Variants in NEK8 observed in about 807,000 individuals in gnomAD.
The protein encoded by NEK8 is serine/threonine-protein kinase Nek8.
In NEK8, 51 loss-of-function variants were observed where a neutral mutation model predicts 77.2. That is an observed-to-expected ratio of 0.66 (90% CI 0.53 to 0.83). NEK8 has a LOEUF of 0.83. Ranked by LOEUF, NEK8 falls within the 40% of genes least tolerant of loss-of-function variation. The probability of loss-of-function intolerance (pLI) is 0.00; values close to 1 mark genes in which losing one functional copy is unlikely to be tolerated. For synonymous variants in NEK8, 365 were observed against 363.2 expected (o/e 1.00, Z -0.06); for missense variants, 787 against 909.2 (o/e 0.87, Z 1.73).
chr17:28,735,405 A>C (rs1185243541), intron 4 of NEK8, 34 bp downstream of exon 4: 69 of 1,607,290 alleles, frequency 4.3e-5, no homozygotes, highest in Non-Finnish European at 5.8e-5. Flanking sequence ...GACAACTGAG[A>C]AATCTACTGC....
chr17:28,731,908 A>ATTTTTTTTTTTTTTTTTTTT (rs71135844), intron 1 of NEK8, among the ~76,000 whole-genome samples: 1 of 52,512 alleles, frequency 1.9e-5, no homozygotes, highest in African/African-American at 7.9e-5. Context: ...CCTGGCCCCA[A>ATTTTTTTTTTTTTTTTTTTT]TTTTTTTTTT....
At chr17:28,734,224 G>A (rs1275684926) in intron 2 of NEK8, 36 bp downstream of exon 2, 1 of 1,569,760 alleles carries the variant, frequency 6.4e-7, no homozygotes, top group Non-Finnish European at 8.8e-7. Context: ...TGGCTGGAGG[G>A]CCTCTTACCT....
At chr17:28,728,945 A>T in intron 1 of NEK8, 85 bp downstream of exon 1, 1 of 1,257,982 alleles carries the variant, frequency 7.9e-7, no homozygotes, top group Non-Finnish European at 1.1e-6. Context: ...CGCCCGCCTA[A>T]TCCCGCCCCA....
Position 28,737,540 on chromosome 17 carries a change from C to T in NEK8, c.827+26C>T, listed in dbSNP as rs1371390123. ...GCCTGTGCAGGGACAGCGAGCGGTCCTGGGCGGCAGGGTGTGGGCACCCAG... is the reference window on the plus strand; with the variant it reads ...GCCTGTGCAGGGACAGCGAGCGGTCTTGGGCGGCAGGGTGTGGGCACCCAG... On this transcript the variant is annotated intron_variant, in intron 5 of 14. Coordinates refer to ENST00000268766, the MANE Select transcript of NEK8 (RefSeq NM_178170.3). The surrounding 1 kb of genome is among the most constrained non-coding windows in gnomAD (Gnocchi z 4.8). The T allele has an allele frequency of 1.2e-6, 2 of 1,612,688 alleles. No homozygotes were observed. Among genetic ancestry groups the T allele is most frequent in the African/African-American group, 1.3e-5 (1 of 74,894 alleles).
intron 2 of NEK8, 111 bp from the exon 3 acceptor site, chr17:28,734,661 T>C (rs1016078009): frequency 2.6e-6 from 2 of 760,504 alleles, no homozygotes; most frequent in Non-Finnish European, 4.5e-6. Context: ...CACTCCAGCC[T>C]GGGCAACAGA....
chr17:28,738,783 G>A (rs757459653), intron 9 of NEK8, 36 bp downstream of exon 9: 1 of 1,521,278 alleles, frequency 6.6e-7, no homozygotes, highest in South Asian at 1.1e-5. Flanking sequence ...GGGGAAGTCG[G>A]GGGATGGCGG....
At position 28,728,808 on chromosome 17, in the gene NEK8, A is replaced by T; in HGVS notation, c.-6A>T. The T allele has an allele frequency of 6.4e-7, 1 of 1,551,188 alleles. No individual in the cohort carries two copies. The highest frequency in any genetic ancestry group is 8.7e-7 in the Non-Finnish European group (1 of 1,146,606). On this transcript the variant is annotated 5_prime_UTR_variant, in exon 1 of 15. Transcript: ENST00000268766. ...GGGGGACGGAAGTGAAACTCTAAGA[A>T]ATGAGATGGAGAAGTACGAGCGGAT...
At chr17:28,739,275 A>G in intron 10 of NEK8, 74 bp downstream of exon 10, 1 of 910,826 alleles carries the variant, frequency 1.1e-6, no homozygotes, top group East Asian at 2.4e-5. Context: ...CCCACCTTCC[A>G]CCTCACAGCA....
chr17:28,733,958 C>T (rs1483291275), intron 1 of NEK8, 25 bp from the exon 2 acceptor site: 1 of 1,608,024 alleles, frequency 6.2e-7, no homozygotes, highest in East Asian at 2.2e-5. Flanking sequence ...AGCTGGTAAC[C>T]TGTCCCTGTC....
intron 1 of NEK8, 55 bp downstream of exon 1, chr17:28,728,915 A>C: frequency 6.8e-7 from 1 of 1,473,974 alleles, no homozygotes. Context: ...AATAAGCCCC[A>C]ATTCCGCCCG....
At position 28,738,014 on chromosome 17, in the gene NEK8, G is replaced by A; in HGVS notation, c.1071+14G>A. ...ATCCTGTGGGAGGTGAGCAGGCCAG[G>A]GGGTGGCCTGGATGGGTGGAGGTGG... On this transcript the variant is annotated intron_variant, in intron 7 of 14. Transcript: ENST00000268766. 1.9e-6 allele frequency: 3 copies of A among 1,612,696 alleles called. No individual in the cohort carries two copies. Among genetic ancestry groups the A allele is most frequent in the South Asian group, 2.2e-5 (2 of 91,046 alleles).
At chr17:28,736,254 T>A (rs1298660878) in intron 4 of NEK8, among the ~76,000 whole-genome samples, 7 of 152,200 alleles carry the variant, frequency 4.6e-5, no homozygotes, top group African/African-American at 1.7e-4. Flanking sequence ...TGTGTCTTTA[T>A]AGCAGCATGA....
intron 10 of NEK8, 39 bp downstream of exon 10, chr17:28,739,240 C>T: frequency 7.2e-7 from 1 of 1,382,242 alleles, no homozygotes; most frequent in Non-Finnish European, 1.0e-6. Flanking sequence ...ACAGCATCCT[C>T]AGCCATGACT....
rs138629865 is a variant in NEK8 at position 28,741,459 on chromosome 17, A to C, written c.1938A>C (p.Gly646=). The C allele has an allele frequency of 4.4e-4, 706 of 1,614,102 alleles. 5 individuals are homozygous for C. In the East Asian group the frequency reaches 0.013, roughly 30 times the overall value. The change falls in exon 14 of 15, where the codon GGA becomes GGC. Residue 646 remains glycine, a synonymous_variant. Transcript: ENST00000268766. This position sits in a 1 kb window ranked among gnomAD's most constrained non-coding sequence, Gnocchi z 4.5. ...GCAAAGGGGCGCGAGGTCGATTGGG[A>C]AGGAGGGATGAGGATGCCGGACTCC... ...SWGKGARGRL[G]RRDEDAGLPR... is the part of the protein sequence containing the mutation.
chr17:28,735,283 G>A lies in NEK8; in HGVS notation c.530G>A (p.Gly177Asp). ...PCYISPELCE[G>D]KPYNQKSDIW... ...TATATCTCCCCTGAGCTGTGTGAGG[G>A]CAAGCCCTACAACCAGAAGAGTGAC... The change falls in exon 4 of 15, where the codon GGC (glycine) becomes GAC (aspartate). Residue 177 changes from glycine to aspartate, a missense_variant. Gly to Asp is a moderately conservative substitution (Grantham distance 94). This residue lies in a region of NEK8 where 271 missense variants were observed against 365.1 expected (regional missense o/e 0.74). Transcript: ENST00000268766. The A allele has an allele frequency of 6.2e-7, 1 of 1,614,068 alleles. No individual in the cohort carries two copies. The highest frequency in any genetic ancestry group is 8.5e-7 in the Non-Finnish European group (1 of 1,179,962).
At position 28,740,711 on chromosome 17, in the gene NEK8, A is replaced by C; in HGVS notation, c.1568+98A>C. On this transcript the variant is annotated intron_variant, in intron 11 of 14. Transcript: ENST00000268766. The surrounding 1 kb of genome is among the most constrained non-coding windows in gnomAD (Gnocchi z 4.7). Reference sequence around the variant, plus strand: ...TACCTTTCACCAAAGACCAGAATTGAGGGGGTTGAGGGTGCTATTGGTTCA... The same window carrying C: ...TACCTTTCACCAAAGACCAGAATTGCGGGGGTTGAGGGTGCTATTGGTTCA... 1 of 1,573,300 alleles carries C rather than the reference A, an allele frequency of 6.4e-7. No individual in the cohort carries two copies. Among genetic ancestry groups the C allele is most frequent in the Non-Finnish European group, 8.7e-7 (1 of 1,144,130 alleles).
intron 1 of NEK8, among the ~76,000 whole-genome samples, chr17:28,733,229 G>A (rs2034327669): frequency 1.3e-5 from 2 of 152,024 alleles, no homozygotes; most frequent in South Asian, 4.1e-4. Context: ...GGAGGATGAT[G>A]GTAGCATTTA....
At position 28,741,418 on chromosome 17, in the gene NEK8, G is replaced by C. The variant is rs201548032; in HGVS notation, c.1897G>C (p.Glu633Gln). The change falls in exon 14 of 15, where the codon GAA becomes CAA. Residue 633 changes from glutamate to glutamine, a missense_variant. Glu to Gln is a conservative substitution (Grantham distance 29). Coordinates refer to ENST00000268766, the MANE Select transcript of NEK8 (RefSeq NM_178170.3). The surrounding 1 kb of genome is among the most constrained non-coding windows in gnomAD (Gnocchi z 4.5). The stretch of plus-strand genomic sequence containing the variant: ...CTGGGGATTCTTCCTGGCAGAGAGC[G>C]AAGTGTACTCTTGGGGCAAAGGGGC... ...AFTVAIGAES[E>Q]VYSWGKGARG... 6.2e-7 allele frequency: 1 copy of C among 1,613,956 alleles called. No individual in the cohort carries two copies. The highest frequency in any genetic ancestry group is 1.3e-5 in the African/African-American group (1 of 74,928).
intron 4 of NEK8, among the ~76,000 whole-genome samples, chr17:28,736,486 A>G (rs1301219523): frequency 6.6e-6 from 1 of 152,214 alleles, no homozygotes; most frequent in Non-Finnish European, 1.5e-5. Context: ...GTGAGATGGT[A>G]TCTCATTGTG....
Sources: allele counts gnomAD v4.1 joint callset (sites outside exome capture counted in the v4.1 genomes callset), GRCh38; gene constraint gnomAD v4.1.1; regional missense constraint gnomAD v4.1.1; non-coding constraint Gnocchi (gnomAD v3.1); transcripts MANE v1.5; gene names NCBI Gene and HGNC (gene_info 2026-07-23, HGNC 2026-07-21).